SPAG6: variants seen among roughly 807,000 people sequenced by gnomAD.
The protein encoded by SPAG6 is sperm associated antigen 6.
A neutral mutation model predicts 58.5 loss-of-function variants in SPAG6; 49 were observed. That is an observed-to-expected ratio of 0.84 (90% CI 0.67 to 1.06). The LOEUF (loss-of-function observed/expected upper bound fraction) is 1.06, where lower values mean the gene tolerates loss of function less well. SPAG6 is among the 50% of genes least tolerant of loss of function. SPAG6 has a pLI of 0.00. For synonymous variants in SPAG6, 233 were observed against 225.6 expected (o/e 1.03, Z -0.29); for missense variants, 560 against 611.3 (o/e 0.92, Z 0.89).
chr10:22,358,974 C>G (rs1389328357), intron 2 of SPAG6, among the ~76,000 whole-genome samples: 1 of 152,178 alleles, frequency 6.6e-6, no homozygotes, highest in Non-Finnish European at 1.5e-5. Flanking sequence ...GTTAAGTAGT[C>G]TTGCCAAGGT....
intron 7 of SPAG6, among the ~76,000 whole-genome samples, chr10:22,389,650 A>G (rs1017965512): frequency 1.7e-4 from 26 of 152,204 alleles, no homozygotes; most frequent in African/African-American, 6.3e-4. Context: ...CTATTTGTAA[A>G]TGACATGCCC....
At chr10:22,413,414 T>C (rs1834791818) in intron 10 of SPAG6, among the ~76,000 whole-genome samples, 1 of 151,878 alleles carries the variant, frequency 6.6e-6, no homozygotes, top group African/African-American at 2.4e-5. Flanking sequence ...GCGCCTGTAG[T>C]CCCAGCTACT....
intron 9 of SPAG6, among the ~76,000 whole-genome samples, chr10:22,405,625 T>G (rs2130628561): frequency 6.6e-6 from 1 of 151,458 alleles, no homozygotes; most frequent in Non-Finnish European, 1.5e-5. Context: ...CTGCCCGGCT[T>G]TGGTATCAGG....
At chr10:22,370,345 A>G (rs1411435062) in intron 4 of SPAG6, among the ~76,000 whole-genome samples, 18 of 152,140 alleles carry the variant, frequency 1.2e-4, no homozygotes, top group Admixed American at 1.2e-3. Context: ...ACATTATCTC[A>G]TTTTGATTGC....
intron 2 of SPAG6, among the ~76,000 whole-genome samples, chr10:22,350,820 TGCATA>T (rs113648984): frequency 0.048 from 7,282 of 152,240 alleles, 570 homozygotes; most frequent in African/African-American, 0.17. Context: ...ATAAATTCCA[TGCATA>T]GCATAATCAA....
chr10:22,383,783 G>T (rs192805626), intron 4 of SPAG6, among the ~76,000 whole-genome samples: 1 of 152,174 alleles, frequency 6.6e-6, no homozygotes. Flanking sequence ...CTCTGTACTT[G>T]TAGTGGCCTG....
chr10:22,386,632 A>G (rs1834069041), intron 4 of SPAG6, 122 bp from the exon 5 acceptor site: 4 of 712,116 alleles, frequency 5.6e-6, no homozygotes, highest in Middle Eastern at 3.1e-4. Flanking sequence ...TTTGAAATGC[A>G]GATGTTGAGA....
intron 2 of SPAG6, among the ~76,000 whole-genome samples, chr10:22,361,707 C>T (rs1837044308): frequency 6.6e-6 from 1 of 151,962 alleles, no homozygotes; most frequent in Admixed American, 6.6e-5. Context: ...AAAAAAGTTC[C>T]CTTGGGTATA....
At position 22,364,842 on chromosome 10, in the gene SPAG6, A is replaced by G; in HGVS notation, c.122-11A>G. The G allele has an allele frequency of 1.3e-6, 2 of 1,586,406 alleles. No homozygotes were observed. The highest frequency in any genetic ancestry group is 1.4e-5 in the African/African-American group (1 of 73,646). ...TTTTCCTGATTTCTGTTCTTTCATA[A>G]TTTAACTCAGGTGTAATGTCTTTGC... On this transcript the variant is annotated splice_polypyrimidine_tract_variant and intron_variant, in intron 2 of 10. Coordinates refer to ENST00000376624, the MANE Select transcript of SPAG6 (RefSeq NM_012443.4).
intron 9 of SPAG6, among the ~76,000 whole-genome samples, chr10:22,401,893 A>T (rs1195368887): frequency 6.6e-6 from 1 of 152,210 alleles, no homozygotes; most frequent in Non-Finnish European, 1.5e-5. Context: ...TACCACAGAC[A>T]CTGATAGTCA....
intron 9 of SPAG6, among the ~76,000 whole-genome samples, chr10:22,408,865 A>G (rs10828306): frequency 0.16 from 23,857 of 152,220 alleles, 5,562 homozygotes; most frequent in African/African-American, 0.51. Flanking sequence ...CCGATTGGAA[A>G]AGCACAGTAT....
chr10:22,391,255 G>T (rs76396473), intron 7 of SPAG6, among the ~76,000 whole-genome samples: 1 of 152,100 alleles, frequency 6.6e-6, no homozygotes, highest in Non-Finnish European at 1.5e-5. Flanking sequence ...AATATATTCC[G>T]CTGACAAGGT....
chr10:22,387,751 T>A, intron 5 of SPAG6, 72 bp from the exon 6 acceptor site: 6 of 1,430,646 alleles, frequency 4.2e-6, no homozygotes, highest in Non-Finnish European at 5.6e-6. Flanking sequence ...TAAAACTGTT[T>A]ACATTACATC....
intron 9 of SPAG6, among the ~76,000 whole-genome samples, chr10:22,404,497 C>T (rs1207529427): frequency 1.8e-5 from 1 of 56,738 alleles, no homozygotes; most frequent in Non-Finnish European, 3.5e-5. Flanking sequence ...TGATCTATAT[C>T]TCTGTTTTGG....
At chr10:22,364,304 G>A (rs772763505) in intron 2 of SPAG6, among the ~76,000 whole-genome samples, 4 of 152,130 alleles carry the variant, frequency 2.6e-5, no homozygotes, top group Non-Finnish European at 5.9e-5. Context: ...ATAAGTCCTT[G>A]ATAAATATGA....
rs1311317396 is a variant in SPAG6, at chr10:22,360,343, T to C, written c.122-4510T>C. On this transcript the variant is annotated intron_variant, in intron 2 of 10. Transcript: ENST00000376624. Reference sequence around the variant, plus strand: ...TTGTTTTTTTTTTTCATAACTGGATTGCAATGTGGGAATTAAAAGCAGTGT... The same window carrying C: ...TTGTTTTTTTTTTTCATAACTGGATCGCAATGTGGGAATTAAAAGCAGTGT... 6.0e-5 allele frequency among the ~76,000 whole-genome samples: 9 copies of C among 151,070 alleles called. No homozygotes were observed. In the East Asian group the frequency reaches 1.5e-3, roughly 26 times the overall value.
intron 4 of SPAG6, among the ~76,000 whole-genome samples, chr10:22,382,824 G>C (rs1445632843): frequency 6.6e-6 from 1 of 152,186 alleles, no homozygotes; most frequent in Non-Finnish European, 1.5e-5. Flanking sequence ...GTATGGGCAA[G>C]AGACATGCTT....
At chr10:22,365,277 T>G (rs1837165033) in intron 3 of SPAG6, among the ~76,000 whole-genome samples, 1 of 152,148 alleles carries the variant, frequency 6.6e-6, no homozygotes, top group African/African-American at 2.4e-5. Flanking sequence ...TATTTCTATA[T>G]ATGAGAGTTT....
intron 8 of SPAG6, among the ~76,000 whole-genome samples, chr10:22,396,720 G>A (rs755683513): frequency 4.7e-4 from 71 of 151,964 alleles, no homozygotes; most frequent in Non-Finnish European, 7.4e-4. Flanking sequence ...AAAAAATAGT[G>A]TTGTTACTTA....
Sources: allele counts gnomAD v4.1 joint callset (sites outside exome capture counted in the v4.1 genomes callset), GRCh38; gene constraint gnomAD v4.1.1; transcripts MANE v1.5; gene names NCBI Gene and HGNC (gene_info 2026-07-23, HGNC 2026-07-21).